Variants in UPP2 observed in about 807,000 individuals in gnomAD.
UPP2 encodes uridine phosphorylase 2.
A neutral mutation model predicts 26.7 loss-of-function variants in UPP2; 23 were observed. The observed-to-expected ratio is 0.86, with a 90% CI of 0.62 to 1.22. The LOEUF is 1.22. Ranked by LOEUF, UPP2 falls within the 50% of genes most tolerant of loss-of-function variation. UPP2 has a pLI of 0.00. For synonymous variants in UPP2, 127 were observed against 141.3 expected (o/e 0.90, Z 0.72); for missense variants, 387 against 396.7 (o/e 0.98, Z 0.21).
chr2:158,121,347 C>A, intron 4 of UPP2, 62 bp from the exon 5 acceptor site: 1 of 1,431,326 alleles, frequency 7.0e-7, no homozygotes, highest in Non-Finnish European at 9.9e-7. Flanking sequence ...AAGTTACATA[C>A]TATGTGTCAA....
chr2:158,058,873 G>T (rs1574267800), intron 3 of UPP2, among the ~76,000 whole-genome samples: 1 of 152,156 alleles, frequency 6.6e-6, no homozygotes, highest in Middle Eastern at 3.2e-3. Flanking sequence ...AGCTGAGAGG[G>T]AGAAGAGAGT....
upstream of UPP2, among the ~76,000 whole-genome samples, chr2:158,097,387 A>G (rs1242139876): frequency 6.6e-6 from 1 of 151,930 alleles, no homozygotes; most frequent in Non-Finnish European, 1.5e-5. Flanking sequence ...CTCTATATAT[A>G]TATATATAGA....
chr2:158,018,584 G>A (rs535455741), intron 3 of UPP2, among the ~76,000 whole-genome samples: 1 of 152,206 alleles, frequency 6.6e-6, no homozygotes, highest in African/African-American at 2.4e-5. Flanking sequence ...TGTTTCCCAG[G>A]TGGCAGTGGG....
At chr2:158,104,917 AAAGGGAAGGGAAGGGAAGGGAAGGG>A (rs1216201245) in intron 1 of UPP2, among the ~76,000 whole-genome samples, 4 of 79,026 alleles carry the variant, frequency 5.1e-5, no homozygotes, top group Admixed American at 1.2e-4. Flanking sequence ...CGAAACTCTG[AAAGGGAAGGGAAGGGAAGGGAAGGG>A]AAGGGAAGGG....
intron 3 of UPP2, among the ~76,000 whole-genome samples, chr2:158,086,661 T>C (rs767053740): frequency 3.9e-5 from 6 of 152,174 alleles, no homozygotes; most frequent in African/African-American, 7.2e-5. Context: ...CCACCTTTGC[T>C]GTATCCCAGA....
intron 3 of UPP2, among the ~76,000 whole-genome samples, chr2:158,081,077 T>C (rs1445779526): frequency 6.6e-6 from 1 of 152,148 alleles, no homozygotes; most frequent in African/African-American, 2.4e-5. Flanking sequence ...CTTACAGACA[T>C]AAGAATCAAG....
At chr2:158,114,785 C>G (rs561255505) in intron 2 of UPP2, among the ~76,000 whole-genome samples, 2 of 152,294 alleles carry the variant, frequency 1.3e-5, no homozygotes, top group East Asian at 3.9e-4. Flanking sequence ...CAACAATAGG[C>G]TGTCTATGTC....
chr2:158,010,763 CTTTTTT>C (rs34328148), intron 2 of UPP2, among the ~76,000 whole-genome samples: 27 of 82,908 alleles, frequency 3.3e-4, no homozygotes, highest in African/African-American at 3.7e-4. Context: ...CCCTCTTTTT[CTTTTTT>C]TTTTTTTTTT....
At chr2:158,053,049 G>A (rs1243704045) in intron 3 of UPP2, among the ~76,000 whole-genome samples, 1 of 152,166 alleles carries the variant, frequency 6.6e-6, no homozygotes, top group Non-Finnish European at 1.5e-5. Context: ...GGGAAAAGAA[G>A]AAAGGAGGTG....
intron 3 of UPP2, among the ~76,000 whole-genome samples, chr2:158,023,234 G>GGGGC (rs1553463663): frequency 6.9e-6 from 1 of 145,728 alleles, no homozygotes; most frequent in Non-Finnish European, 1.5e-5. Context: ...GTCAGTTGGG[G>GGGGC]GGGGGCATTT....
chr2:158,073,219 A>C (rs193109663), intron 3 of UPP2, among the ~76,000 whole-genome samples: 56 of 152,150 alleles, frequency 3.7e-4, no homozygotes, highest in Non-Finnish European at 6.3e-4. Context: ...GTTCCTTAAG[A>C]GTATAATTAA....
intron 3 of UPP2, chr2:158,065,776 C>A (rs1682424962): frequency 1.4e-6 from 1 of 694,790 alleles, no homozygotes. Context: ...GCACCACCAT[C>A]CAACCAGATT....
chr2:158,008,446 C>A (rs1683527474), intron 2 of UPP2, among the ~76,000 whole-genome samples: 1 of 152,120 alleles, frequency 6.6e-6, no homozygotes, highest in Non-Finnish European at 1.5e-5. Context: ...AGTTACAGAG[C>A]AGAGTGGAGA....
At chr2:158,001,037 A>G (rs1683396393) in intron 2 of UPP2, among the ~76,000 whole-genome samples, 1 of 152,180 alleles carries the variant, frequency 6.6e-6, no homozygotes, top group South Asian at 2.1e-4. Flanking sequence ...AATCCTCAGT[A>G]AAGAAGTTTC....
chr2:157,998,168 A>G (rs184687859), intron 2 of UPP2, among the ~76,000 whole-genome samples: 2 of 152,174 alleles, frequency 1.3e-5, no homozygotes, highest in East Asian at 1.9e-4. Flanking sequence ...CTTGGACTCA[A>G]TGGTAGTCTA....
intron 3 of UPP2, among the ~76,000 whole-genome samples, chr2:158,096,786 G>C (rs1449309066): frequency 6.6e-6 from 1 of 151,964 alleles, no homozygotes; most frequent in Non-Finnish European, 1.5e-5. Context: ...GTAAAGGAAG[G>C]TAGAGTGGGA....
chr2:158,064,405 G>A (rs192620796), intron 3 of UPP2, among the ~76,000 whole-genome samples: 295 of 151,778 alleles, frequency 1.9e-3, no homozygotes, highest in East Asian at 7.7e-3. Flanking sequence ...CTTTTGAGAA[G>A]TGTCTGTTCA....
At chr2:158,004,951 T>C (rs868067092) in intron 2 of UPP2, among the ~76,000 whole-genome samples, 1 of 152,242 alleles carries the variant, frequency 6.6e-6, no homozygotes, top group African/African-American at 2.4e-5. Flanking sequence ...TTTTTGGTTC[T>C]TGTTTTTAAG....
intron 3 of UPP2, among the ~76,000 whole-genome samples, chr2:158,075,477 A>C (rs1441116549): frequency 6.6e-6 from 1 of 152,052 alleles, no homozygotes; most frequent in Non-Finnish European, 1.5e-5. Flanking sequence ...AACTGAAATA[A>C]TACCAAGCAT....
Sources: gnomAD v4.1 joint callset for allele counts (sites outside exome capture counted in the v4.1 genomes callset) on GRCh38, gnomAD v4.1.1 for gene constraint, MANE v1.5 for transcripts, NCBI Gene and HGNC (gene_info 2026-07-23, HGNC 2026-07-21) for gene names.